The following ADAM7 variants were observed in gnomAD, a reference collection of about 807,000 sequenced individuals.
The protein encoded by ADAM7 is disintegrin and metalloproteinase domain-containing protein 7.
ADAM7 carries 97 observed loss-of-function variants against 102.9 expected under a neutral mutation model. That is an observed-to-expected ratio of 0.94 (90% confidence interval 0.80 to 1.12). ADAM7 has a LOEUF of 1.12. ADAM7 is among the 50% of genes most tolerant of loss of function. The pLI is 0.00. For synonymous variants in ADAM7, 334 were observed against 304.4 expected, an observed-to-expected ratio of 1.10 and a Z score of -1.01; for missense variants, 991 against 908.7, an observed-to-expected ratio of 1.09 and a Z score of -1.16.
chr8:24,470,497 A>G (rs1819568777), intron 7 of ADAM7, among the ~76,000 whole-genome samples: 2 of 152,308 alleles, frequency 1.3e-5, no homozygotes, highest in Non-Finnish European at 1.5e-5. Flanking sequence ...CCAATCCAAC[A>G]GAAAGCCTCA....
Position 24,491,905 on chromosome 8 carries a change from A to C in ADAM7, c.1359A>C (p.Ile453=), listed in dbSNP as rs1212323527. 1 of 1,593,432 alleles carries C rather than the reference A, an allele frequency of 6.3e-7. No homozygotes were observed. The highest frequency in any genetic ancestry group is 2.3e-5 in the East Asian group (1 of 44,290). ...AEGECCESCQ[I]KKAGSICRPA... ...GTCTCTTTGTTTTTCCTCAACAGAT[A>C]AAAAAAGCAGGGTCCATATGCAGAC... Residue 453 remains isoleucine, a splice_region_variant and synonymous_variant, in exon 14 of 22, where the codon ATA becomes ATC. Transcript: ENST00000175238.
chr8:24,486,775 G>A (rs1820158934), intron 10 of ADAM7, among the ~76,000 whole-genome samples: 1 of 152,026 alleles, frequency 6.6e-6, no homozygotes, highest in South Asian at 2.1e-4. Flanking sequence ...CTGCCCCCAT[G>A]ACTTACTCAC....
chr8:24,505,988 A>G (rs1820936809), intron 20 of ADAM7: 1 of 864,980 alleles, frequency 1.2e-6, no homozygotes, highest in Non-Finnish European at 1.9e-6. Flanking sequence ...AGATAGACTC[A>G]TATGTTGTAG....
intron 12 of ADAM7, 54 bp from the exon 13 acceptor site, chr8:24,490,745 A>G (rs1820315969): frequency 6.5e-7 from 1 of 1,538,196 alleles, no homozygotes. Flanking sequence ...AATTCTTCAA[A>G]CAGGAGTCAG....
chr8:24,493,942 C>T (rs997112671), intron 16 of ADAM7, among the ~76,000 whole-genome samples: 11 of 152,132 alleles, frequency 7.2e-5, no homozygotes, highest in African/African-American at 2.4e-4. Flanking sequence ...GAAGAGAAGA[C>T]AGAATGGGTC....
At chr8:24,473,330 T>C (rs934317661) in intron 7 of ADAM7, among the ~76,000 whole-genome samples, 3 of 152,124 alleles carry the variant, frequency 2.0e-5, no homozygotes, top group Non-Finnish European at 4.4e-5. Context: ...CAGTAATCTA[T>C]TGTGTCCAAT....
At chr8:24,467,260 A>T in intron 6 of ADAM7, 1 of 485,560 alleles carries the variant, frequency 2.1e-6, no homozygotes, top group South Asian at 4.0e-5. Context: ...GAAATCATGA[A>T]ATTTTCAATG....
intron 11 of ADAM7, among the ~76,000 whole-genome samples, chr8:24,487,662 G>T (rs1246555670): frequency 6.6e-6 from 1 of 151,230 alleles, no homozygotes; most frequent in Non-Finnish European, 1.5e-5. Context: ...AAAAAGAAAA[G>T]AAAAAAATAT....
At chr8:24,450,126 G>T (rs1362886581) in intron 3 of ADAM7, among the ~76,000 whole-genome samples, 1 of 151,900 alleles carries the variant, frequency 6.6e-6, no homozygotes, top group Non-Finnish European at 1.5e-5. Context: ...TTGACTTGGC[G>T]ATGCGGGCTC....
At chr8:24,486,949 CAAAG>C (rs1820164118) in intron 10 of ADAM7, among the ~76,000 whole-genome samples, 2 of 152,060 alleles carry the variant, frequency 1.3e-5, no homozygotes, top group Non-Finnish European at 2.9e-5. Context: ...CACCATGCCA[CAAAG>C]AAAGAATTTC....
intron 16 of ADAM7, among the ~76,000 whole-genome samples, chr8:24,494,113 T>C (rs921448458): frequency 2.0e-5 from 3 of 152,054 alleles, no homozygotes; most frequent in Admixed American, 1.3e-4. Context: ...TCTTCCCTTC[T>C]CTCTCTACAC....
At chr8:24,506,291 A>ATTAG in intron 20 of ADAM7, 1 of 717,562 alleles carries the variant, frequency 1.4e-6, no homozygotes, top group Non-Finnish European at 2.3e-6. Context: ...TCGGAGGTAG[A>ATTAG]AATGGGACAC....
intron 19 of ADAM7, among the ~76,000 whole-genome samples, 167 bp downstream of exon 19, chr8:24,501,062 C>T (rs565871097): frequency 1.3e-5 from 2 of 152,092 alleles, no homozygotes; most frequent in Non-Finnish European, 2.9e-5. Context: ...TATCCAGATG[C>T]TAATATCAAT....
chr8:24,506,534 C>T (rs1820955612), intron 20 of ADAM7, among the ~76,000 whole-genome samples: 1 of 151,894 alleles, frequency 6.6e-6, no homozygotes, highest in African/African-American at 2.4e-5. Context: ...TAAATTCTGC[C>T]CCTGAGACCA....
At chr8:24,464,638 G>C (rs1319176976) in intron 4 of ADAM7, among the ~76,000 whole-genome samples, 7 of 152,194 alleles carry the variant, frequency 4.6e-5, no homozygotes, top group African/African-American at 1.7e-4. Flanking sequence ...GCCTCACTCT[G>C]TTGCCAGGCT....
intron 3 of ADAM7, among the ~76,000 whole-genome samples, chr8:24,448,361 C>A (rs1463938897): frequency 6.6e-6 from 1 of 152,098 alleles, no homozygotes; most frequent in Non-Finnish European, 1.5e-5. Context: ...GTATTAGCCA[C>A]TGCGTAATTC....
intron 13 of ADAM7, 32 bp from the exon 14 acceptor site, chr8:24,491,871 C>T (rs1446937789): frequency 2.0e-6 from 3 of 1,525,434 alleles, no homozygotes; most frequent in African/African-American, 1.4e-5. Flanking sequence ...TAAATGTATC[C>T]AGGATTTAGT....
At chr8:24,488,096 T>C (rs1033921143) in intron 11 of ADAM7, among the ~76,000 whole-genome samples, 6 of 152,212 alleles carry the variant, frequency 3.9e-5, no homozygotes, top group African/African-American at 1.4e-4. Context: ...TAGTACTTAT[T>C]ACTATCTAGC....
chr8:24,451,486 G>A (rs896699774), intron 3 of ADAM7, among the ~76,000 whole-genome samples: 17 of 152,206 alleles, frequency 1.1e-4, no homozygotes, highest in Admixed American at 2.6e-4. Flanking sequence ...CTTTGGGATC[G>A]GTGGTGATAA....
Sources: gnomAD v4.1 joint callset for allele counts (sites outside exome capture counted in the v4.1 genomes callset) on GRCh38, gnomAD v4.1.1 for gene constraint, MANE v1.5 for transcripts, NCBI Gene and HGNC (gene_info 2026-07-23, HGNC 2026-07-21) for gene names.